Variants in PCDH11X observed in about 807,000 individuals in gnomAD.
PCDH11X encodes the protein protocadherin 11 X-linked.
In PCDH11X, 18 loss-of-function variants were observed where a neutral mutation model predicts 53.3. That is an observed-to-expected ratio of 0.34 (90% CI 0.23 to 0.50). The LOEUF (loss-of-function observed/expected upper bound fraction) is 0.50, where lower values mean the gene tolerates loss of function less well. Ranked by LOEUF, PCDH11X falls within the 20% of genes least tolerant of loss-of-function variation. The pLI is 0.98. For synonymous variants in PCDH11X, 279 were observed against 393.3 expected (o/e 0.71, Z 3.44); for missense variants, 570 against 1,032.4 (o/e 0.55, Z 6.14).
At chrX:92,195,457 GTT>G (rs1287775910) in intron 6 of PCDH11X, among the ~76,000 whole-genome samples, 9 of 111,231 alleles carry the variant, frequency 8.1e-5, no homozygotes, top group Non-Finnish European at 1.1e-4. Context: ...TATTCATCTC[GTT>G]TTTTCCACAT....
intron 5 of PCDH11X, among the ~76,000 whole-genome samples, chrX:91,853,278 A>C (rs1938135281): frequency 9.0e-6 from 1 of 111,309 alleles, no homozygotes; most frequent in African/African-American, 3.3e-5. Context: ...ATTGCACAAA[A>C]GTTTTTCAAT....
chrX:92,584,584 G>A (rs1322243271), intron 10 of PCDH11X, among the ~76,000 whole-genome samples: 4 of 109,755 alleles, frequency 3.6e-5, no homozygotes, highest in Non-Finnish European at 7.6e-5. Flanking sequence ...AATCGAAATA[G>A]TTCTGTGTTT....
At chrX:91,886,704 G>A (rs771352054) in intron 6 of PCDH11X, among the ~76,000 whole-genome samples, 1 of 109,642 alleles carries the variant, frequency 9.1e-6, no homozygotes, top group South Asian at 3.9e-4. Context: ...GGGCGCGGTG[G>A]CTCATGCCTG....
intron 5 of PCDH11X, among the ~76,000 whole-genome samples, chrX:91,848,292 T>C (rs113475716): frequency 1.4e-4 from 15 of 108,694 alleles, no homozygotes; most frequent in Admixed American, 4.9e-4. Context: ...CTCCGCCCCA[T>C]GGGGGTTCAC....
At chrX:92,576,769 T>A (rs1261015771) in intron 10 of PCDH11X, among the ~76,000 whole-genome samples, 2 of 108,075 alleles carry the variant, frequency 1.9e-5, no homozygotes, top group African/African-American at 6.9e-5. Context: ...TATTGTACTG[T>A]CTATGTCTTG....
intron 6 of PCDH11X, among the ~76,000 whole-genome samples, chrX:91,974,557 A>G (rs1424260727): frequency 9.1e-6 from 1 of 110,368 alleles, no homozygotes; most frequent in African/African-American, 3.3e-5. Flanking sequence ...AGGAATCGTA[A>G]GGTGTTCAGT....
intron 7 of PCDH11X, among the ~76,000 whole-genome samples, chrX:92,242,195 T>C (rs2067273837): frequency 9.0e-6 from 1 of 111,139 alleles, no homozygotes; most frequent in African/African-American, 3.3e-5. Context: ...CCCTTCTTTA[T>C]GCGTAACCTC....
chrX:92,006,150 C>T (rs1174451007), intron 6 of PCDH11X, among the ~76,000 whole-genome samples: 5 of 109,615 alleles, frequency 4.6e-5, no homozygotes, highest in Non-Finnish European at 9.5e-5. Flanking sequence ...ATGTCTTTCT[C>T]TAGGTTTGAG....
At chrX:92,101,257 T>G (rs1250914857) in intron 6 of PCDH11X, among the ~76,000 whole-genome samples, 1 of 111,058 alleles carries the variant, frequency 9.0e-6, no homozygotes, top group African/African-American at 3.3e-5. Context: ...GATGACAAGT[T>G]TTTTTTGGGG....
chrX:92,373,761 A>G (rs1358448566), intron 8 of PCDH11X, among the ~76,000 whole-genome samples: 1 of 112,101 alleles, frequency 8.9e-6, no homozygotes, highest in Non-Finnish European at 1.9e-5. Context: ...AAAGATAATT[A>G]GATGTGATCC....
At chrX:92,367,026 C>G (rs1416219258) in intron 8 of PCDH11X, among the ~76,000 whole-genome samples, 57 of 107,637 alleles carry the variant, frequency 5.3e-4, no homozygotes, top group African/African-American at 1.8e-3. Context: ...GGTCCAGAGC[C>G]GAGTTCAAGT....
intron 8 of PCDH11X, among the ~76,000 whole-genome samples, chrX:92,310,589 A>G (rs940436193): frequency 1.8e-5 from 2 of 109,984 alleles, no homozygotes; most frequent in Admixed American, 9.8e-5. Flanking sequence ...GGGTTTCACC[A>G]TGTTAGCCAG....
intron 10 of PCDH11X, among the ~76,000 whole-genome samples, chrX:92,533,059 G>A (rs1047326163): frequency 1.8e-5 from 2 of 110,726 alleles, no homozygotes; most frequent in African/African-American, 3.3e-5. Flanking sequence ...GATGAGATTT[G>A]GGTGAGGATA....
intron 10 of PCDH11X, among the ~76,000 whole-genome samples, chrX:92,480,811 A>T (rs1378179527): frequency 9.0e-6 from 1 of 111,562 alleles, no homozygotes; most frequent in Non-Finnish European, 1.9e-5. Context: ...TGGCAGTGGG[A>T]TCTGTCCTTG....
intron 5 of PCDH11X, among the ~76,000 whole-genome samples, chrX:91,855,285 C>T (rs1422180389): frequency 9.0e-6 from 1 of 111,344 alleles, no homozygotes; most frequent in African/African-American, 3.3e-5. Flanking sequence ...TTTTGGCAAC[C>T]TTGTCAAACA....
rs1368168202 is a variant in PCDH11X at position 92,133,611 on chromosome X, C to T, written c.3034-67764C>T. ...GAACTCCCCACCTCAGGTGATCACC[C>T]CGCCTCGGCCTCCCAAAGTGCTGTG... is the stretch of plus-strand genomic sequence containing the variant. On this transcript the variant is annotated intron_variant, in intron 6 of 10. Transcript: ENST00000682573. Among the ~76,000 whole-genome samples, 3 of 112,243 alleles carry T rather than the reference C, an allele frequency of 2.7e-5. No individual in the cohort carries two copies. In the South Asian group the frequency reaches 1.1e-3, roughly 41 times the overall value.
intron 8 of PCDH11X, among the ~76,000 whole-genome samples, chrX:92,275,386 G>C (rs184570916): frequency 1.8e-5 from 2 of 108,428 alleles, no homozygotes; most frequent in African/African-American, 6.7e-5. Flanking sequence ...TAACAGGTGA[G>C]GATAAAATTT....
chrX:92,001,776 G>T (rs182414516), intron 6 of PCDH11X, among the ~76,000 whole-genome samples: 214 of 111,154 alleles, frequency 1.9e-3, no homozygotes, highest in African/African-American at 6.8e-3. Flanking sequence ...CCCTGTTTGA[G>T]CTCTTTATAT....
chrX:92,221,347 G>A (rs1425062750), intron 7 of PCDH11X, among the ~76,000 whole-genome samples: 1 of 95,532 alleles, frequency 1.0e-5, no homozygotes, highest in Non-Finnish European at 2.1e-5. Context: ...AGTACTTCCA[G>A]GTATGGTGCA....
Sources: allele counts gnomAD v4.1 joint callset (sites outside exome capture counted in the v4.1 genomes callset), GRCh38; gene constraint gnomAD v4.1.1; transcripts MANE v1.5; gene names NCBI Gene and HGNC (gene_info 2026-07-23, HGNC 2026-07-21).